The following RGS6 variants were observed in gnomAD, a reference collection of about 807,000 sequenced individuals.
RGS6 encodes the protein regulator of G protein signaling 6.
Under a neutral mutation model 78.5 loss-of-function variants are expected in RGS6, and 30 were observed. The ratio of observed to expected loss-of-function variants is 0.38; its 90% confidence interval spans 0.29 to 0.52. The LOEUF is 0.52. Ranked by LOEUF, RGS6 falls within the 20% of genes least tolerant of loss-of-function variation. The pLI, the probability that RGS6 is intolerant of heterozygous loss-of-function variation, is 0.85. For synonymous variants in RGS6, 206 were observed against 206.0 expected, an observed-to-expected ratio of 1.00 and a Z score of 0.00; for missense variants, 495 against 609.7, an observed-to-expected ratio of 0.81 and a Z score of 1.98.
chr14:72,248,575 A>G (rs748838994), intron 2 of RGS6, among the ~76,000 whole-genome samples: 13 of 152,228 alleles, frequency 8.5e-5, no homozygotes, highest in Non-Finnish European at 1.9e-4. Context: ...GAGAACTTCT[A>G]TCTTAGGCCA....
At chr14:72,504,921 A>ATTTTTTTTTTTTTT (rs34953560) in intron 13 of RGS6, among the ~76,000 whole-genome samples, 22 of 76,076 alleles carry the variant, frequency 2.9e-4, no homozygotes, top group African/African-American at 9.7e-4. Flanking sequence ...CGCCCAGCTA[A>ATTTTTTTTTTTTTT]TTTTTTTTTT....
intron 2 of RGS6, among the ~76,000 whole-genome samples, chr14:72,143,922 A>G (rs1357060782): frequency 6.6e-6 from 1 of 152,234 alleles, no homozygotes; most frequent in East Asian, 1.9e-4. Flanking sequence ...GTTAACATCA[A>G]ATTAGTAAGA....
intron 2 of RGS6, among the ~76,000 whole-genome samples, chr14:72,066,717 A>G (rs2094164959): frequency 6.6e-6 from 1 of 152,106 alleles, no homozygotes. Context: ...TTTACAGGAA[A>G]AAAAATACAG....
At chr14:71,931,012 A>G (rs1417145120), upstream of RGS6, among the ~76,000 whole-genome samples, 3 of 139,030 alleles carry the variant, frequency 2.2e-5, no homozygotes, top group Non-Finnish European at 4.6e-5. Flanking sequence ...AAAAAAAAAA[A>G]AAAAAGCAGA....
intron 2 of RGS6, among the ~76,000 whole-genome samples, chr14:72,089,751 G>A (rs749534409): frequency 2.6e-5 from 4 of 152,234 alleles, no homozygotes; most frequent in Admixed American, 2.0e-4. Context: ...AGAATGAAAA[G>A]GATGATTCAA....
intron 3 of RGS6, among the ~76,000 whole-genome samples, chr14:72,436,264 G>GT (rs72304603): frequency 0.1 from 14,868 of 146,526 alleles, 1,359 homozygotes; most frequent in African/African-American, 0.22. Flanking sequence ...CATCTTATTT[G>GT]TTTTTTTTTT....
chr14:72,387,477 A>G (rs904025558), intron 3 of RGS6, among the ~76,000 whole-genome samples: 1 of 151,912 alleles, frequency 6.6e-6, no homozygotes, highest in Non-Finnish European at 1.5e-5. Flanking sequence ...TGAACCCAGG[A>G]GGCAGAGCTT....
At chr14:72,274,973 A>G (rs1035299035) in intron 2 of RGS6, among the ~76,000 whole-genome samples, 1 of 152,226 alleles carries the variant, frequency 6.6e-6, no homozygotes, top group Non-Finnish European at 1.5e-5. Context: ...TTAACGAACA[A>G]CAGTATATTT....
intron 3 of RGS6, among the ~76,000 whole-genome samples, chr14:72,401,693 A>G (rs117815704): frequency 6.6e-6 from 1 of 152,092 alleles, no homozygotes. Flanking sequence ...AAGAGCTGAA[A>G]TTTTAAAAAG....
intron 2 of RGS6, among the ~76,000 whole-genome samples, chr14:72,149,482 A>G (rs548293216): frequency 4.0e-4 from 61 of 152,284 alleles, no homozygotes; most frequent in African/African-American, 1.4e-3. Context: ...ATTATATTCA[A>G]TAGAAGTGGA....
chr14:71,888,179 G>C, the RGS6 span, among the ~76,000 whole-genome samples: 9 of 152,134 alleles, frequency 5.9e-5, no homozygotes, highest in African/African-American at 2.2e-4. Context: ...GAAGGTGAAG[G>C]TTGCAGTGAG....
At chr14:72,274,703 T>C (rs995430014) in intron 2 of RGS6, among the ~76,000 whole-genome samples, 2 of 152,114 alleles carry the variant, frequency 1.3e-5, no homozygotes, top group African/African-American at 4.8e-5. Flanking sequence ...GAAGTTGTAA[T>C]GATAGAGGCA....
chr14:72,440,559 C>T (rs2095152438), intron 3 of RGS6, among the ~76,000 whole-genome samples: 1 of 151,886 alleles, frequency 6.6e-6, no homozygotes, highest in South Asian at 2.1e-4. Context: ...ATTACAGGTA[C>T]ATGCCACCAT....
Position 72,518,332 on chromosome 14 carries a change from G to A in RGS6, c.1092-19G>A, listed in dbSNP as rs752592595. The stretch of plus-strand genomic sequence containing the variant: ...TGCTGAGCCCCCTGGAACTGACTGT[G>A]TTTCTGCTCCCACTTCAGGTTCTGG... On this transcript the variant is annotated intron_variant, in intron 14 of 17. Transcript: ENST00000553525. 1.9e-5 allele frequency: 30 copies of A among 1,609,944 alleles called. No homozygotes were observed. Among genetic ancestry groups the A allele is most frequent in the Non-Finnish European group, 2.5e-5 (29 of 1,177,336 alleles).
At chr14:72,290,220 C>T (rs868493614) in intron 2 of RGS6, among the ~76,000 whole-genome samples, 1 of 152,206 alleles carries the variant, frequency 6.6e-6, no homozygotes. Context: ...TCAAGCGTTA[C>T]ACCCAGTATG....
At chr14:72,629,261 TC>T in the RGS6 span, among the ~76,000 whole-genome samples, 1 of 152,230 alleles carries the variant, frequency 6.6e-6, no homozygotes, top group Admixed American at 6.5e-5. Context: ...CGTGTACTGA[TC>T]TTTGTCGAAG....
At chr14:71,892,582 C>T in the RGS6 span, among the ~76,000 whole-genome samples, 15 of 152,288 alleles carry the variant, frequency 9.8e-5, no homozygotes, top group Non-Finnish European at 1.8e-4. Flanking sequence ...GCACAGGTCA[C>T]AGTATAACCT....
rs143070054 is a variant in RGS6 at position 72,402,126 on chromosome 14, G to A, written c.184+49932G>A. Among the ~76,000 whole-genome samples the A allele has an allele frequency of 2.9e-3, 449 of 152,302 alleles. 1 individual carries two copies. The highest frequency in any genetic ancestry group is 0.01 in the African/African-American group (419 of 41,568). On this transcript the variant is annotated intron_variant, in intron 3 of 17. Transcript: ENST00000553525. The stretch of plus-strand genomic sequence containing the variant: ...CCCACTGTCTGCTCCACGACCTCCT[G>A]GTGCTGCCTCCCCTTGGCTGAACCC...
At chr14:72,154,962 G>A (rs146920916) in intron 2 of RGS6, among the ~76,000 whole-genome samples, 42 of 152,338 alleles carry the variant, frequency 2.8e-4, no homozygotes, top group East Asian at 2.5e-3. Context: ...GGAGCGGGCG[G>A]TAATGAATCC....
Sources: allele counts gnomAD v4.1 joint callset (sites outside exome capture counted in the v4.1 genomes callset), GRCh38; gene constraint gnomAD v4.1.1; transcripts MANE v1.5; gene names NCBI Gene and HGNC (gene_info 2026-07-23, HGNC 2026-07-21).